SHC2: variants seen among roughly 807,000 people sequenced by gnomAD.
SHC2 encodes SHC adaptor protein 2.
A neutral mutation model predicts 60.6 loss-of-function variants in SHC2; 62 were observed. The observed-to-expected ratio is 1.02, with a 90% CI of 0.83 to 1.26. The LOEUF is 1.26. Ranked by LOEUF, SHC2 falls within the 50% of genes most tolerant of loss-of-function variation. The probability of loss-of-function intolerance (pLI) is 0.00; values close to 1 mark genes in which losing one functional copy is unlikely to be tolerated. For synonymous variants in SHC2, 375 were observed against 372.4 expected, an observed-to-expected ratio of 1.01 and a Z score of -0.08; for missense variants, 873 against 822.2, an observed-to-expected ratio of 1.06 and a Z score of -0.76.
rs1974399441 is a variant in SHC2 at position 425,691 on chromosome 19, AT to A, written c.1175-461del. Among the ~76,000 whole-genome samples, 2 of 152,072 alleles carry A rather than the reference AT, an allele frequency of 1.3e-5. No homozygotes were observed. Among genetic ancestry groups the A allele is most frequent in the African/African-American group, 2.4e-5 (1 of 41,404 alleles). ...TATTCTGACTCAGTTCTATTTCAGG[AT>A]TTTCCTTCCTTTCTTTTTTTAATTG... is the stretch of plus-strand genomic sequence containing the variant. On this transcript the variant is annotated intron_variant, in intron 9 of 12. Coordinates refer to ENST00000264554, the MANE Select transcript of SHC2 (RefSeq NM_012435.3). This position sits in a 1 kb window ranked among gnomAD's most constrained non-coding sequence, Gnocchi z 4.1.
intron 9 of SHC2, among the ~76,000 whole-genome samples, chr19:426,851 A>T (rs1203547609): frequency 2.0e-5 from 3 of 150,864 alleles, no homozygotes; most frequent in Non-Finnish European, 4.4e-5. Flanking sequence ...CGACAGTGCG[A>T]GGGGCAGAGT....
chr19:436,173 G>A lies in SHC2; in HGVS notation c.945C>T (p.Pro315=). The A allele has an allele frequency of 6.2e-7, 1 of 1,611,242 alleles. No individual in the cohort carries two copies. ...YLHSPPKVAL[P]PERLAGPEES... The stretch of plus-strand genomic sequence containing the variant: ...GAGGCAGCTCTGGTTACCTTTCTGG[G>A]GGCAGCGCCACCTTGGGCGGGCTGT... The change falls in exon 7 of 13, where the codon CCC becomes CCT. Residue 315 remains proline, a synonymous_variant. Coordinates refer to ENST00000264554, the MANE Select transcript of SHC2 (RefSeq NM_012435.3).
chr19:438,677 TCTG>T lies in SHC2; in HGVS notation c.720+38_720+40del. The T allele has an allele frequency of 1.3e-6, 2 of 1,544,924 alleles. No homozygotes were observed. Among genetic ancestry groups the T allele is most frequent in the Non-Finnish European group, 1.7e-6 (2 of 1,145,854 alleles). On this transcript the variant is annotated intron_variant, in intron 4 of 12. Transcript: ENST00000264554. This position sits in a 1 kb window ranked among gnomAD's most constrained non-coding sequence, Gnocchi z 5.0. ...TTTGCCTCCTAGGACTCCTGGCCCC[TCTG>T]GGGGTCTGGGGACGCCAGGCGAAGA...
Position 440,933 on chromosome 19 carries a change from C to G in SHC2, c.469-1G>C, listed in dbSNP as rs1445736794. ...GGAGAACCTCGATGCAGCCCATGTACTGAGGGGAGAGAACAGGTGTCAGAT... is the reference window on the plus strand; with the variant it reads ...GGAGAACCTCGATGCAGCCCATGTAGTGAGGGGAGAGAACAGGTGTCAGAT... On this transcript the variant is annotated splice_acceptor_variant, in intron 1 of 12. Coordinates refer to ENST00000264554, the MANE Select transcript of SHC2 (RefSeq NM_012435.3). LOFTEE classifies it high-confidence loss of function. This position sits in a 1 kb window ranked among gnomAD's most constrained non-coding sequence, Gnocchi z 7.0. 8 of 1,612,334 alleles carry G rather than the reference C, an allele frequency of 5.0e-6. No individual in the cohort carries two copies. The highest frequency in any genetic ancestry group is 5.9e-6 in the Non-Finnish European group (7 of 1,179,312).
chr19:440,879 C>T lies in SHC2; in HGVS notation c.522G>A (p.Thr174=), dbSNP rs757839557. 3.7e-5 allele frequency: 59 copies of T among 1,612,610 alleles called. No homozygotes were observed. Among genetic ancestry groups the T allele is most frequent in the East Asian group, 8.9e-5 (4 of 44,898 alleles). Residue 174 remains threonine (T), a synonymous_variant, in exon 2 of 13, where the codon ACG becomes ACA. Transcript: ENST00000264554. The surrounding 1 kb of genome is among the most constrained non-coding windows in gnomAD (Gnocchi z 7.0). ...AGGCTCACCTGGTCACCTGCGTGCG[C>T]GTGTTAAAGTCCAGGGAGCGCATAG... is the stretch of plus-strand genomic sequence containing the variant. ...LRSMRSLDFN[T]RTQVTREAIN...
In SHC2 at chr19:438,845, G is replaced by T; in HGVS notation, c.601-8C>A. On this transcript the variant is annotated splice_region_variant and splice_polypyrimidine_tract_variant and intron_variant, in intron 3 of 12. Transcript: ENST00000264554. This position sits in a 1 kb window ranked among gnomAD's most constrained non-coding sequence, Gnocchi z 5.0. Reference sequence around the variant, plus strand: ...CAGGGCCTTGTTGGGGGCCTGAGTTGGGGGCGGAGCACAGCGAGGGCGGCT... The same window carrying T: ...CAGGGCCTTGTTGGGGGCCTGAGTTTGGGGCGGAGCACAGCGAGGGCGGCT... The T allele has an allele frequency of 6.4e-7, 1 of 1,563,400 alleles. No homozygotes were observed. Among genetic ancestry groups the T allele is most frequent in the South Asian group, 1.2e-5 (1 of 84,842 alleles).
chr19:460,547 C>G lies in SHC2; in HGVS notation c.450G>C (p.Gly150=). The G allele has an allele frequency of 7.1e-7, 1 of 1,409,046 alleles. No homozygotes were observed. The highest frequency in any genetic ancestry group is 9.3e-7 in the Non-Finnish European group (1 of 1,076,422). 87.3% of individuals were successfully genotyped at this position (1,409,046 alleles called of 1,614,324 possible). ...LHPDARVLGP[G]VSYVVRYMGC... ...GACTCACCCGCACGACGTAGGAGAC[C>G]CCGGGCCCCAGGACCCTGGCGTCGG... is the stretch of plus-strand genomic sequence containing the variant. Residue 150 remains glycine (G), a synonymous_variant, in exon 1 of 13, where the codon GGG becomes GGC. Coordinates refer to ENST00000264554, the MANE Select transcript of SHC2 (RefSeq NM_012435.3).
chr19:436,477 G>A (rs762131118), intron 5 of SHC2, 46 bp from the exon 6 acceptor site: 42 of 1,600,542 alleles, frequency 2.6e-5, no homozygotes, highest in Middle Eastern at 3.3e-4. Context: ...GCCCCCCACC[G>A]GGATTCCCAG....
chr19:438,707 G>A lies in SHC2; in HGVS notation c.720+11C>T, dbSNP rs540236130. The A allele has an allele frequency of 5.8e-6, 9 of 1,550,802 alleles. No individual in the cohort carries two copies. In the South Asian group the frequency reaches 6.0e-5, roughly 10 times the overall value. On this transcript the variant is annotated intron_variant, in intron 4 of 12. Transcript: ENST00000264554. The surrounding 1 kb of genome is among the most constrained non-coding windows in gnomAD (Gnocchi z 5.0). Reference sequence around the variant, plus strand: ...GGGTCTGGGGACGCCAGGCGAAGAGGGCAGACCCACCTGGCGCGTGGCAGG... The same window carrying A: ...GGGTCTGGGGACGCCAGGCGAAGAGAGCAGACCCACCTGGCGCGTGGCAGG...
At chr19:458,962 G>C (rs1975466173) in intron 1 of SHC2, among the ~76,000 whole-genome samples, 1 of 152,068 alleles carries the variant, frequency 6.6e-6, no homozygotes, top group African/African-American at 2.4e-5. Context: ...GCTCCCACAG[G>C]CTTTGGTGGG....
chr19:421,092 G>A (rs889624202), intron 11 of SHC2, among the ~76,000 whole-genome samples: 2 of 149,618 alleles, frequency 1.3e-5, no homozygotes, highest in Non-Finnish European at 3.0e-5. Context: ...AGAAAAGAGA[G>A]AGAGAGAAAA....
chr19:453,872 C>T lies in SHC2; in HGVS notation c.468+6657G>A, dbSNP rs924782659. Among the ~76,000 whole-genome samples the T allele has an allele frequency of 2.6e-5, 4 of 152,192 alleles. No individual in the cohort carries two copies. The highest frequency in any genetic ancestry group is 7.2e-5 in the African/African-American group (3 of 41,448). The stretch of plus-strand genomic sequence containing the variant: ...CCTGAAGTGCTCACGAGGTGAGGTG[C>T]GTGAGGGCACCGCAGAGAGCAGGAC... On this transcript the variant is annotated intron_variant, in intron 1 of 12. Coordinates refer to ENST00000264554, the MANE Select transcript of SHC2 (RefSeq NM_012435.3). This position sits in a 1 kb window ranked among gnomAD's most constrained non-coding sequence, Gnocchi z 6.3.
At position 422,395 on chromosome 19, in the gene SHC2, G is replaced by A. The variant is rs758028168; in HGVS notation, c.1371C>T (p.Ala457=). ...GCCACTGGTCCTCCAAGGGAAGAGG[G>A]GCTGCTGTCACGCCTGCCGCCACTG... ...ECSVAAGVTA[A]PLPLEDQWPS... is the part of the protein sequence containing the mutation. Residue 457 remains alanine (A), a synonymous_variant, in exon 11 of 13, where the codon GCC becomes GCT. Coordinates refer to ENST00000264554, the MANE Select transcript of SHC2 (RefSeq NM_012435.3). This position sits in a 1 kb window ranked among gnomAD's most constrained non-coding sequence, Gnocchi z 5.0. The A allele has an allele frequency of 1.9e-5, 30 of 1,598,698 alleles. No homozygotes were observed. In the Admixed American group the frequency reaches 3.1e-4, roughly 16 times the overall value.
rs1975042578 is a variant in SHC2, at chr19:446,032, G to A, written c.469-5100C>T. On this transcript the variant is annotated intron_variant, in intron 1 of 12. Transcript: ENST00000264554. This position sits in a 1 kb window ranked among gnomAD's most constrained non-coding sequence, Gnocchi z 5.4. Reference sequence around the variant, plus strand: ...ATCACGCCACTGCACTCGAGCCTGGGTGACAGAGGGAGAGTCTGTCTCAAA... The same window carrying A: ...ATCACGCCACTGCACTCGAGCCTGGATGACAGAGGGAGAGTCTGTCTCAAA... 6.6e-6 allele frequency among the ~76,000 whole-genome samples: 1 copy of A among 151,834 alleles called. No homozygotes were observed. Among genetic ancestry groups the A allele is most frequent in the South Asian group, 2.1e-4 (1 of 4,800 alleles).
chr19:434,889 A>G (rs534149725), intron 7 of SHC2, 24 bp from the exon 8 acceptor site: 12 of 1,604,198 alleles, frequency 7.5e-6, no homozygotes, highest in East Asian at 2.2e-5. Flanking sequence ...AACAACGGCC[A>G]TGGCACAGGC....
At chr19:429,335 C>A (rs1404808978) in intron 9 of SHC2, among the ~76,000 whole-genome samples, 5 of 143,410 alleles carry the variant, frequency 3.5e-5, no homozygotes, top group Non-Finnish European at 6.1e-5. Context: ...GTGTGGATGA[C>A]GCAGTACCTA....
intron 7 of SHC2, 153 bp downstream of exon 7, chr19:436,012 C>T: frequency 1.2e-6 from 1 of 812,026 alleles, no homozygotes; most frequent in South Asian, 1.8e-5. Context: ...GCCGAGGAAA[C>T]AGGATCCTCT....
At chr19:449,481 A>G (rs1975126572) in intron 1 of SHC2, among the ~76,000 whole-genome samples, 1 of 152,230 alleles carries the variant, frequency 6.6e-6, no homozygotes, top group African/African-American at 2.4e-5. Context: ...TGATCGCAGG[A>G]TTGTAACGGT....
chr19:419,392 T>C (rs1974221893), intron 11 of SHC2: 1 of 241,428 alleles, frequency 4.1e-6, no homozygotes, highest in Non-Finnish European at 8.0e-6. Flanking sequence ...AGGTCAAGGG[T>C]CCTGGGACGA....
Sources: gnomAD v4.1 joint callset for allele counts (sites outside exome capture counted in the v4.1 genomes callset) on GRCh38, gnomAD v4.1.1 for gene constraint, Gnocchi (gnomAD v3.1) non-coding constraint, MANE v1.5 for transcripts, NCBI Gene and HGNC (gene_info 2026-07-23, HGNC 2026-07-21) for gene names.